HPSE: variants seen among roughly 807,000 people sequenced by gnomAD.
HPSE encodes endo-glucoronidase.
A neutral mutation model predicts 65.1 loss-of-function variants in HPSE; 48 were observed. The ratio of observed to expected loss-of-function variants is 0.74; its 90% CI spans 0.58 to 0.94. The LOEUF (loss-of-function observed/expected upper bound fraction) is 0.94, where lower values mean the gene tolerates loss of function less well. Among genes scored for constraint, HPSE ranks in the 40% least tolerant of loss-of-function variants. The probability of loss-of-function intolerance (pLI) is 0.00; values close to 1 mark genes in which losing one functional copy is unlikely to be tolerated. For synonymous variants in HPSE, 243 were observed against 260.0 expected (o/e 0.93, Z 0.63); for missense variants, 644 against 637.5 (o/e 1.01, Z -0.11).
intron 3 of HPSE, among the ~76,000 whole-genome samples, chr4:83,315,712 A>C (rs1294801149): frequency 6.6e-6 from 1 of 152,198 alleles, no homozygotes; most frequent in Non-Finnish European, 1.5e-5. Context: ...GTCCTGGGAC[A>C]AGCACCATCA....
chr4:83,297,063 A>C (rs1578001072), intron 11 of HPSE, among the ~76,000 whole-genome samples: 1 of 152,272 alleles, frequency 6.6e-6, no homozygotes, highest in Middle Eastern at 3.4e-3. Flanking sequence ...ACAACACATT[A>C]GTTTTCTATG....
chr4:83,325,103 C>T (rs1737091489), intron 1 of HPSE, among the ~76,000 whole-genome samples: 1 of 150,964 alleles, frequency 6.6e-6, no homozygotes, highest in Non-Finnish European at 1.5e-5. Context: ...CCATAACAAG[C>T]ACGTTATATT....
intron 1 of HPSE, among the ~76,000 whole-genome samples, chr4:83,331,180 G>A (rs1237001676): frequency 6.6e-6 from 1 of 151,782 alleles, no homozygotes; most frequent in Non-Finnish European, 1.5e-5. Context: ...CTCTAGCTTG[G>A]GTGACAAGAG....
At chr4:83,331,437 A>G (rs1326912945) in intron 1 of HPSE, among the ~76,000 whole-genome samples, 2 of 152,190 alleles carry the variant, frequency 1.3e-5, no homozygotes, top group African/African-American at 4.8e-5. Context: ...ATTTAAAATT[A>G]CATATGACCT....
chr4:83,317,537 C>G (rs1477073044), intron 3 of HPSE, among the ~76,000 whole-genome samples: 1 of 152,174 alleles, frequency 6.6e-6, no homozygotes, highest in Non-Finnish European at 1.5e-5. Flanking sequence ...GGTGGCTGGA[C>G]TTACACTAAC....
At chr4:83,334,854 C>T (rs917428666), upstream of HPSE, 7 of 1,437,860 alleles carry the variant, frequency 4.9e-6, no homozygotes, top group East Asian at 7.6e-5. Context: ...GCACTTCCTC[C>T]CGCCGAGCCC....
intron 2 of HPSE, 128 bp downstream of exon 2, chr4:83,322,091 G>A (rs1736916977): frequency 1.0e-5 from 6 of 572,888 alleles, no homozygotes; most frequent in Non-Finnish European, 1.7e-5. Context: ...TTCCTCCACA[G>A]GTCAGATGAG....
At chr4:83,295,841 T>C (rs1212735100) in intron 11 of HPSE, among the ~76,000 whole-genome samples, 1 of 152,198 alleles carries the variant, frequency 6.6e-6, no homozygotes, top group African/African-American at 2.4e-5. Flanking sequence ...ACTTCTGGAA[T>C]GGTGGCTATT....
chr4:83,319,623 C>T (rs1736800064), intron 2 of HPSE, among the ~76,000 whole-genome samples, 154 bp from the exon 3 acceptor site: 1 of 152,156 alleles, frequency 6.6e-6, no homozygotes, highest in Non-Finnish European at 1.5e-5. Flanking sequence ...TATTCTGTAA[C>T]ACATGTCAAA....
intron 1 of HPSE, among the ~76,000 whole-genome samples, chr4:83,324,043 T>C (rs1737030597): frequency 6.6e-6 from 1 of 152,056 alleles, no homozygotes; most frequent in Non-Finnish European, 1.5e-5. Context: ...AATTAGTTTG[T>C]CTACATGTAG....
chr4:83,308,744 T>C (rs4453925), intron 8 of HPSE, 101 bp downstream of exon 8: 665,801 of 846,664 alleles, frequency 0.79, 262,590 homozygotes, highest in African/African-American at 0.86. Context: ...GCCACTGAAA[T>C]GGTCTTTGAT....
chr4:83,310,519 T>A (rs1309615575), intron 5 of HPSE, among the ~76,000 whole-genome samples: 3 of 151,982 alleles, frequency 2.0e-5, no homozygotes, highest in Admixed American at 6.6e-5. Context: ...AAAATTTTTT[T>A]AAAGTAGCCA....
rs1735708238 is a variant in HPSE at position 83,295,947 on chromosome 4, C to T, written c.1473-444G>A. Among the ~76,000 whole-genome samples the T allele has an allele frequency of 2.0e-5, 3 of 152,236 alleles. No individual in the cohort carries two copies. In the South Asian group the frequency reaches 6.2e-4, roughly 32 times the overall value. On this transcript the variant is annotated intron_variant, in intron 11 of 11. Transcript: ENST00000311412. ...TTATGAATTTAGCATAAATGGTAGC[C>T]AATGAAATTTCTCACTTGTAACTAT...
chr4:83,307,651 C>T (rs946960475), intron 8 of HPSE, among the ~76,000 whole-genome samples: 1 of 152,140 alleles, frequency 6.6e-6, no homozygotes, highest in Non-Finnish European at 1.5e-5. Flanking sequence ...ATTATGGACA[C>T]CTCTTCCCAC....
At chr4:83,332,357 CT>C (rs1191476511) in intron 1 of HPSE, among the ~76,000 whole-genome samples, 4 of 152,214 alleles carry the variant, frequency 2.6e-5, no homozygotes, top group African/African-American at 7.2e-5. Flanking sequence ...GTTCCTCCCT[CT>C]TTTAGGTCTT....
intron 10 of HPSE, 152 bp from the exon 11 acceptor site, chr4:83,301,258 T>G: frequency 2.0e-6 from 1 of 500,830 alleles, no homozygotes; most frequent in Non-Finnish European, 3.5e-6. Context: ...TGGGCCCTCT[T>G]AGTATCCTTC....
intron 6 of HPSE, 106 bp downstream of exon 6, chr4:83,309,925 T>G (rs542186906): frequency 2.7e-6 from 2 of 739,716 alleles, no homozygotes; most frequent in African/African-American, 3.5e-5. Context: ...TGTTTCTTAT[T>G]TGAACTGCAG....
In HPSE at chr4:83,300,671, C is replaced by T. The variant is rs527365221; in HGVS notation, c.1472+289G>A. Among the ~76,000 whole-genome samples, 11 of 36,734 alleles carry T rather than the reference C, an allele frequency of 3.0e-4. 3 individuals carry two copies. The highest frequency in any genetic ancestry group is 4.4e-4 in the African/African-American group (8 of 18,102). The allele number at this position is 36,734 out of a possible 152,430, so 24.1% of individuals were successfully genotyped here. ...TCTACTAAAAATACAAAAAATTAGC[C>T]GGGCGTAGTGGCGGGCGCCTGTAGT... On this transcript the variant is annotated intron_variant, in intron 11 of 11. Coordinates refer to ENST00000311412, the MANE Select transcript of HPSE (RefSeq NM_001098540.3).
chr4:83,325,562 C>A (rs1027984534), intron 1 of HPSE, among the ~76,000 whole-genome samples: 11 of 152,216 alleles, frequency 7.2e-5, no homozygotes, highest in African/African-American at 2.7e-4. Context: ...CAGGCTGACT[C>A]TGCCAGGCAT....
Sources: allele counts gnomAD v4.1 joint callset (sites outside exome capture counted in the v4.1 genomes callset), GRCh38; gene constraint gnomAD v4.1.1; transcripts MANE v1.5; gene names NCBI Gene and HGNC (gene_info 2026-07-23, HGNC 2026-07-21).